The following PNLIPRP3 variants were observed in gnomAD, a reference collection of about 807,000 sequenced individuals.
The protein encoded by PNLIPRP3 is pancreatic lipase-related protein 3.
In PNLIPRP3, 58 loss-of-function variants were observed where a neutral mutation model predicts 52.8. That is an observed-to-expected ratio of 1.10 (90% confidence interval 0.89 to 1.37). PNLIPRP3 has a LOEUF of 1.37. PNLIPRP3 is among the 40% of genes most tolerant of loss of function. The pLI is 0.00. For synonymous variants in PNLIPRP3, 192 were observed against 185.0 expected, an observed-to-expected ratio of 1.04 and a Z score of -0.31; for missense variants, 593 against 561.6, an observed-to-expected ratio of 1.06 and a Z score of -0.57.
chr10:116,475,202 A>T (rs1158399604), intron 10 of PNLIPRP3, among the ~76,000 whole-genome samples: 1 of 152,218 alleles, frequency 6.6e-6, no homozygotes, highest in Non-Finnish European at 1.5e-5. Context: ...CAAATACTGA[A>T]TGTTCTCACT....
intron 7 of PNLIPRP3, among the ~76,000 whole-genome samples, chr10:116,462,682 T>C (rs1450388919): frequency 6.6e-6 from 1 of 152,162 alleles, no homozygotes; most frequent in Non-Finnish European, 1.5e-5. Context: ...AGAGGCATAT[T>C]ATAAAATTGA....
intron 8 of PNLIPRP3, among the ~76,000 whole-genome samples, chr10:116,466,763 A>T (rs901013789): frequency 6.6e-6 from 1 of 152,160 alleles, no homozygotes; most frequent in African/African-American, 2.4e-5. Context: ...TGCTTTAGAG[A>T]CCTAATCCCC....
rs1846104951 is a variant in PNLIPRP3 at position 116,455,814 on chromosome 10, C to T, written c.549C>T (p.Gly183=). ...LAGEAGSRIP[G]LGRITGLDPA... is the part of the protein sequence containing the mutation. ...GGGAAGCTGGGTCAAGGATACCAGGCCTTGGAAGAATAACTGGTAAGCATG... is the reference window on the plus strand; with the variant it reads ...GGGAAGCTGGGTCAAGGATACCAGGTCTTGGAAGAATAACTGGTAAGCATG... Residue 183 remains glycine, a synonymous_variant, in exon 5 of 12, where the codon GGC becomes GGT. Coordinates refer to ENST00000369230, the MANE Select transcript of PNLIPRP3 (RefSeq NM_001011709.3). 1 of 1,613,496 alleles carries T rather than the reference C, an allele frequency of 6.2e-7. No homozygotes were observed. The highest frequency in any genetic ancestry group is 8.5e-7 in the Non-Finnish European group (1 of 1,179,516).
At chr10:116,464,493 A>C (rs955618235) in intron 7 of PNLIPRP3, among the ~76,000 whole-genome samples, 2 of 152,122 alleles carry the variant, frequency 1.3e-5, no homozygotes, top group African/African-American at 4.8e-5. Flanking sequence ...GCTGACCTGG[A>C]TCTCACACCT....
chr10:116,476,792 T>C lies in PNLIPRP3; in HGVS notation c.1313T>C (p.Ile438Thr). 1 of 1,605,254 alleles carries C rather than the reference T, an allele frequency of 6.2e-7. No homozygotes were observed. Among genetic ancestry groups the C allele is most frequent in the South Asian group, 1.1e-5 (1 of 88,842 alleles). ...SQNKLGAEMV[I>T]NTSGKYGYKS... ...AATAAGTTGGGAGCAGAAATGGTGATAAATACATCTGGGAAATATGGATAT... is the reference window on the plus strand; with the variant it reads ...AATAAGTTGGGAGCAGAAATGGTGACAAATACATCTGGGAAATATGGATAT... The change falls in exon 11 of 12, where the codon ATA (isoleucine) becomes ACA (threonine). Residue 438 changes from isoleucine (I) to threonine (T), a missense_variant. Transcript: ENST00000369230.
chr10:116,443,237 C>G, intron 3 of PNLIPRP3, 63 bp downstream of exon 3: 1 of 1,511,956 alleles, frequency 6.6e-7, no homozygotes, highest in Admixed American at 1.8e-5. Flanking sequence ...CATGAATGTA[C>G]TTTGCAAGGT....
intron 1 of PNLIPRP3, among the ~76,000 whole-genome samples, chr10:116,433,735 C>G (rs908187676): frequency 6.6e-6 from 1 of 152,068 alleles, no homozygotes; most frequent in African/African-American, 2.4e-5. Context: ...TTCCTTTGCC[C>G]CAACAGACAC....
At chr10:116,470,811 A>T (rs1440554930) in intron 9 of PNLIPRP3, among the ~76,000 whole-genome samples, 2 of 152,136 alleles carry the variant, frequency 1.3e-5, no homozygotes, top group African/African-American at 4.8e-5. Context: ...CCCGGCCCAC[A>T]CCAAATATTT....
rs531926860 is a variant in PNLIPRP3 at position 116,458,672 on chromosome 10, A to G, written c.566-2294A>G. ...AATGGTTCATTCATATGCATGTTGC[A>G]TTACTTCATTGATCTCTTTGTCTAA... On this transcript the variant is annotated intron_variant, in intron 5 of 11. Transcript: ENST00000369230. Among the ~76,000 whole-genome samples the G allele has an allele frequency of 9.2e-5, 14 of 152,286 alleles. No homozygotes were observed. In the South Asian group the frequency reaches 2.9e-3, roughly 32 times the overall value.
chr10:116,470,493 G>A (rs966175794), intron 9 of PNLIPRP3, among the ~76,000 whole-genome samples: 13 of 144,402 alleles, frequency 9.0e-5, no homozygotes, highest in Non-Finnish European at 3.0e-5. Context: ...ATACACCACA[G>A]CAAATATATA....
chr10:116,466,304 G>T, intron 8 of PNLIPRP3, 136 bp downstream of exon 8: 1 of 629,970 alleles, frequency 1.6e-6, no homozygotes. Flanking sequence ...GATTGTTTCT[G>T]TGCTGAGTAC....
At chr10:116,452,275 T>C (rs1204882843) in intron 4 of PNLIPRP3, among the ~76,000 whole-genome samples, 1 of 152,200 alleles carries the variant, frequency 6.6e-6, no homozygotes, top group African/African-American at 2.4e-5. Flanking sequence ...CAATCAGATA[T>C]GGGAGCAAAT....
intron 1 of PNLIPRP3, among the ~76,000 whole-genome samples, chr10:116,435,940 T>C (rs967408375): frequency 1.3e-5 from 2 of 152,222 alleles, no homozygotes; most frequent in East Asian, 3.9e-4. Flanking sequence ...TTCAAAACTA[T>C]ATTTACTACA....
intron 5 of PNLIPRP3, 40 bp from the exon 6 acceptor site, chr10:116,460,926 T>G: frequency 6.2e-7 from 1 of 1,601,714 alleles, no homozygotes; most frequent in Admixed American, 1.7e-5. Context: ...AATATTAATG[T>G]GCACTTCCAT....
At chr10:116,444,270 T>A (rs955346927) in intron 3 of PNLIPRP3, 112 bp from the exon 4 acceptor site, 2 of 918,992 alleles carry the variant, frequency 2.2e-6, no homozygotes, top group Non-Finnish European at 3.1e-6. Flanking sequence ...GGACACAAAG[T>A]CTAACCATAT....
At chr10:116,461,466 G>A (rs185743964) in intron 7 of PNLIPRP3, among the ~76,000 whole-genome samples, 176 bp downstream of exon 7, 149 of 152,268 alleles carry the variant, frequency 9.8e-4, no homozygotes, top group Middle Eastern at 6.8e-3. Flanking sequence ...CGGGTACCGT[G>A]TCTTCATTAA....
At chr10:116,455,638 C>CTTTTTTTTTT in intron 4 of PNLIPRP3, 84 bp from the exon 5 acceptor site, 2 of 687,502 alleles carry the variant, frequency 2.9e-6, no homozygotes, top group Non-Finnish European at 2.3e-6. Context: ...CATGTTGATC[C>CTTTTTTTTTT]TTTTTTTTTT....
At chr10:116,473,044 C>T (rs1189435619) in intron 10 of PNLIPRP3, among the ~76,000 whole-genome samples, 2 of 152,220 alleles carry the variant, frequency 1.3e-5, no homozygotes, top group Non-Finnish European at 2.9e-5. Flanking sequence ...AGGCATCTAA[C>T]CTGGGGCAGC....
rs769661458 is a variant in PNLIPRP3, at chr10:116,443,055, G to T, written c.205G>T (p.Glu69Ter). ...CTTAATCTCTTTCTGCTTGAAACAG[G>T]AGATCAGTGCGGTTAATTCTTCAAC... is the stretch of plus-strand genomic sequence containing the variant. ...YTIHNPNAYQ[E>*]ISAVNSSTIQ... is the part of the protein sequence containing the mutation. Residue 69 changes from glutamate to a stop codon, truncating the protein, a stop_gained and splice_region_variant, in exon 3 of 12, where the codon GAG becomes TAG. Coordinates refer to ENST00000369230, the MANE Select transcript of PNLIPRP3 (RefSeq NM_001011709.3). LOFTEE classifies it high-confidence loss of function. 6.4e-7 allele frequency: 1 copy of T among 1,574,496 alleles called. No homozygotes were observed. Among genetic ancestry groups the T allele is most frequent in the East Asian group, 2.3e-5 (1 of 43,704 alleles).
Sources: allele counts gnomAD v4.1 joint callset (sites outside exome capture counted in the v4.1 genomes callset), GRCh38; gene constraint gnomAD v4.1.1; transcripts MANE v1.5; gene names NCBI Gene and HGNC (gene_info 2026-07-23, HGNC 2026-07-21).